TGFBR2: variants seen among roughly 807,000 people sequenced by gnomAD.
The protein encoded by TGFBR2 is TGF-beta receptor type-2.
A neutral mutation model predicts 49.0 loss-of-function variants in TGFBR2; 18 were observed. The observed-to-expected ratio is 0.37, with a 90% CI of 0.25 to 0.54. The LOEUF is 0.54. TGFBR2 is among the 20% of genes least tolerant of loss of function. The pLI is 0.85. For missense variants in TGFBR2, 525 were observed against 722.6 expected (o/e 0.73, Z 3.13); for synonymous variants, 282 against 275.9 (o/e 1.02, Z -0.22).
intron 1 of TGFBR2, among the ~76,000 whole-genome samples, chr3:30,644,488 T>A (rs1698694335): frequency 6.6e-6 from 1 of 152,192 alleles, no homozygotes; most frequent in South Asian, 2.1e-4. Flanking sequence ...AAAGTGGACC[T>A]TATGACAACC....
At chr3:30,614,115 CTTTTTTTTTT>C (rs5847643) in intron 1 of TGFBR2, among the ~76,000 whole-genome samples, 5 of 120,620 alleles carry the variant, frequency 4.1e-5, no homozygotes, top group East Asian at 2.4e-4. Flanking sequence ...TTTTTCTTTC[CTTTTTTTTTT>C]TTTTTTTTTA....
chr3:30,612,146 G>A (rs576129572), intron 1 of TGFBR2, among the ~76,000 whole-genome samples: 1 of 152,282 alleles, frequency 6.6e-6, no homozygotes, highest in East Asian at 1.9e-4. Flanking sequence ...ATCTCAGGGA[G>A]AAGGAAGAGA....
At chr3:30,635,144 T>A (rs958205846) in intron 1 of TGFBR2, among the ~76,000 whole-genome samples, 4 of 152,240 alleles carry the variant, frequency 2.6e-5, no homozygotes, top group African/African-American at 9.6e-5. Context: ...CTGGGTCCTA[T>A]TAGAGCTGAA....
chr3:30,688,311 T>A (rs1699658255), intron 5 of TGFBR2, 73 bp from the exon 6 acceptor site: 1 of 1,607,366 alleles, frequency 6.2e-7, no homozygotes. Flanking sequence ...CAGCCAGGCA[T>A]CTCACCATGC....
intron 1 of TGFBR2, among the ~76,000 whole-genome samples, chr3:30,629,035 C>T (rs1000444750): frequency 6.6e-6 from 1 of 152,146 alleles, no homozygotes; most frequent in Non-Finnish European, 1.5e-5. Context: ...AAGCTCTGCC[C>T]TGCTTCTCCT....
At chr3:30,647,710 A>G (rs56303666) in intron 2 of TGFBR2, among the ~76,000 whole-genome samples, 36,310 of 151,576 alleles carry the variant, frequency 0.24, 4,536 homozygotes, top group East Asian at 0.43. Context: ...GGAGTCTCCC[A>G]CTGTTGCCCA....
At chr3:30,610,225 G>A (rs1698003594) in intron 1 of TGFBR2, among the ~76,000 whole-genome samples, 1 of 152,130 alleles carries the variant, frequency 6.6e-6, no homozygotes, top group Non-Finnish European at 1.5e-5. Context: ...CTGGGAGCAT[G>A]TTATAAGTAA....
At chr3:30,624,337 G>T (rs898415317) in intron 1 of TGFBR2, among the ~76,000 whole-genome samples, 2 of 152,086 alleles carry the variant, frequency 1.3e-5, no homozygotes, top group Admixed American at 6.6e-5. Flanking sequence ...CACTTTGATG[G>T]CCAGGCACGG....
At chr3:30,635,568 G>A (rs895671418) in intron 1 of TGFBR2, among the ~76,000 whole-genome samples, 5 of 152,194 alleles carry the variant, frequency 3.3e-5, no homozygotes, top group African/African-American at 4.8e-5. Flanking sequence ...TTATTTTTCC[G>A]TTCAGCTACA....
chr3:30,644,250 C>A (rs1698691258), intron 1 of TGFBR2, among the ~76,000 whole-genome samples: 1 of 152,162 alleles, frequency 6.6e-6, no homozygotes, highest in Non-Finnish European at 1.5e-5. Flanking sequence ...CACTTCATGA[C>A]TCTGTGAGGT....
intron 2 of TGFBR2, among the ~76,000 whole-genome samples, chr3:30,645,505 A>G (rs1698714748): frequency 1.5e-5 from 1 of 67,762 alleles, no homozygotes. Flanking sequence ...TTTTTTTTTG[A>G]GATGGAGTCT....
intron 3 of TGFBR2, among the ~76,000 whole-genome samples, chr3:30,661,793 A>G (rs577778163): frequency 1.3e-5 from 2 of 152,354 alleles, no homozygotes; most frequent in East Asian, 3.9e-4. Flanking sequence ...TATTCCAAGT[A>G]TTATATCTGT....
intron 5 of TGFBR2, among the ~76,000 whole-genome samples, chr3:30,679,575 G>A (rs1248313352): frequency 5.9e-5 from 9 of 152,114 alleles, no homozygotes; most frequent in Non-Finnish European, 2.9e-5. Flanking sequence ...AGTACATTTG[G>A]TCCAGATAAA....
chr3:30,669,121 CAAAAAAAAAAAAA>C lies in TGFBR2; in HGVS notation c.455-2498_455-2486del, dbSNP rs56069409. Reference sequence around the variant, plus strand: ...TGAAACCCCGTCTCCACTAAAAATACAAAAAAAAAAAAAAAAAAAAAAAAAAAAAAAGCTGGGC... The same window carrying C: ...TGAAACCCCGTCTCCACTAAAAATACAAAAAAAAAAAAAAAAAAGCTGGGC... On this transcript the variant is annotated intron_variant, in intron 3 of 6. Coordinates refer to ENST00000295754, the MANE Select transcript of TGFBR2 (RefSeq NM_003242.6). Among the ~76,000 whole-genome samples, 8 of 83,476 alleles carry C rather than the reference CAAAAAAAAAAAAA, an allele frequency of 9.6e-5. 1 individual carries two copies. The highest frequency in any genetic ancestry group is 3.4e-4 in the East Asian group (1 of 2,902). The allele number at this position is 83,476 out of a possible 152,430, so 54.8% of individuals were successfully genotyped here. A position where few individuals can be genotyped will look rare whatever the true frequency, so the allele number is the denominator to read the frequency against.
At chr3:30,607,545 G>A (rs537036707) in intron 1 of TGFBR2, among the ~76,000 whole-genome samples, 1 of 152,238 alleles carries the variant, frequency 6.6e-6, no homozygotes, top group South Asian at 2.1e-4. Flanking sequence ...AAGAAAGTTA[G>A]CTGGCTCCAC....
intron 3 of TGFBR2, among the ~76,000 whole-genome samples, chr3:30,658,515 A>G (rs1311303671): frequency 2.0e-5 from 3 of 152,160 alleles, no homozygotes; most frequent in Non-Finnish European, 2.9e-5. Context: ...AGTTCAATCT[A>G]TGTGGTTAAA....
Position 30,676,454 on chromosome 3 carries a change from T to C in TGFBR2, c.1396+2208T>C, listed in dbSNP as rs1378550744. Among the ~76,000 whole-genome samples, 3 of 152,194 alleles carry C rather than the reference T, an allele frequency of 2.0e-5. No individual in the cohort carries two copies. ...CTATATTTATTAATATGCATTCTCC[T>C]TTAAAAAAGATCTGTCTCTTCTGAC... On this transcript the variant is annotated intron_variant, in intron 5 of 6. Transcript: ENST00000295754. This position sits in a 1 kb window ranked among gnomAD's most constrained non-coding sequence, Gnocchi z 4.3.
intron 1 of TGFBR2, among the ~76,000 whole-genome samples, chr3:30,636,691 TC>T (rs1698539196): frequency 1.3e-5 from 2 of 151,908 alleles, no homozygotes; most frequent in African/African-American, 4.8e-5. Context: ...TTGCATCTAC[TC>T]CCAGAGACCG....
intron 5 of TGFBR2, among the ~76,000 whole-genome samples, chr3:30,678,981 A>C (rs1156802230): frequency 6.6e-6 from 1 of 152,204 alleles, no homozygotes; most frequent in Non-Finnish European, 1.5e-5. Context: ...GTGAAGTCCC[A>C]CCTAGCCTGC....
Sources: allele counts gnomAD v4.1 joint callset (sites outside exome capture counted in the v4.1 genomes callset), GRCh38; gene constraint gnomAD v4.1.1; non-coding constraint Gnocchi (gnomAD v3.1); transcripts MANE v1.5; gene names NCBI Gene and HGNC (gene_info 2026-07-23, HGNC 2026-07-21).